The following SESN1 variants were observed in gnomAD, a reference collection of about 807,000 sequenced individuals.
The protein encoded by SESN1 is sestrin 1.
In SESN1, 30 loss-of-function variants were observed where a neutral mutation model predicts 59.3. The observed-to-expected ratio is 0.51, with a 90% CI of 0.38 to 0.69. The LOEUF (loss-of-function observed/expected upper bound fraction) is 0.69, where lower values mean the gene tolerates loss of function less well. Among genes scored for constraint, SESN1 ranks in the 30% least tolerant of loss-of-function variants. The pLI is 0.00. For synonymous variants in SESN1, 197 were observed against 219.9 expected (o/e 0.90, Z 0.92); for missense variants, 566 against 673.0 (o/e 0.84, Z 1.76).
chr6:108,991,699 C>T (rs1471413358), intron 7 of SESN1, among the ~76,000 whole-genome samples: 2 of 152,160 alleles, frequency 1.3e-5, no homozygotes, highest in African/African-American at 4.8e-5. Flanking sequence ...CTTAATAAGC[C>T]CCTACTTCTT....
chr6:109,020,983 C>A (rs1247508920), intron 1 of SESN1, among the ~76,000 whole-genome samples: 1 of 152,116 alleles, frequency 6.6e-6, no homozygotes, highest in Non-Finnish European at 1.5e-5. Flanking sequence ...CTCCTTCACC[C>A]ACCATTTTAG....
At chr6:109,018,259 C>T (rs936924061) in intron 1 of SESN1, among the ~76,000 whole-genome samples, 1 of 152,164 alleles carries the variant, frequency 6.6e-6, no homozygotes, top group Non-Finnish European at 1.5e-5. Context: ...TCAATGGAGA[C>T]TGCCAAAACA....
chr6:109,075,586 A>G (rs1435456974), intron 1 of SESN1, among the ~76,000 whole-genome samples: 1 of 152,218 alleles, frequency 6.6e-6, no homozygotes, highest in Non-Finnish European at 1.5e-5. Context: ...TCAATCCATT[A>G]GCCTGCAAGG....
At chr6:109,070,229 C>T (rs888969239) in intron 1 of SESN1, among the ~76,000 whole-genome samples, 4 of 152,196 alleles carry the variant, frequency 2.6e-5, no homozygotes, top group African/African-American at 9.7e-5. Context: ...TGTGGACCTC[C>T]TCCAGCTGCA....
intron 1 of SESN1, among the ~76,000 whole-genome samples, chr6:109,066,346 T>C (rs1207746012): frequency 6.6e-6 from 1 of 151,982 alleles, no homozygotes; most frequent in African/African-American, 2.4e-5. Flanking sequence ...TATGATTTGT[T>C]GTAATTTTTA....
intron 1 of SESN1, among the ~76,000 whole-genome samples, chr6:109,022,170 CG>C (rs1780022617): frequency 6.6e-6 from 1 of 151,868 alleles, no homozygotes. Flanking sequence ...TTACTCCTAA[CG>C]GGGCACCTGG....
rs748316540 is a variant in SESN1 at position 108,998,758 on chromosome 6, TAGG to T, written c.730-6_730-4del. 6.2e-5 allele frequency: 99 copies of T among 1,596,178 alleles called. No homozygotes were observed. The highest frequency in any genetic ancestry group is 7.9e-5 in the Non-Finnish European group (92 of 1,170,480). ...TGCTCTTCAGCTTTTAAAAGTCCCT[TAGG>T]GGGAAAAAAAAAAAGAATATATTTT... On this transcript the variant is annotated splice_polypyrimidine_tract_variant and splice_region_variant and intron_variant, in intron 4 of 9. Transcript: ENST00000436639.
At chr6:109,087,797 A>G (rs984295163) in intron 1 of SESN1, among the ~76,000 whole-genome samples, 4 of 152,220 alleles carry the variant, frequency 2.6e-5, no homozygotes, top group African/African-American at 9.7e-5. Context: ...AAAATGAATT[A>G]AGTATGCTTC....
At chr6:109,003,904 A>C (rs1324550720) in intron 1 of SESN1, among the ~76,000 whole-genome samples, 1 of 152,200 alleles carries the variant, frequency 6.6e-6, no homozygotes, top group Admixed American at 6.5e-5. Context: ...TATCCCCTCT[A>C]ATTTCTTTAA....
chr6:109,013,140 G>A (rs1258536805), intron 1 of SESN1, among the ~76,000 whole-genome samples: 1 of 151,986 alleles, frequency 6.6e-6, no homozygotes, highest in Admixed American at 6.6e-5. Context: ...GGAGTGTTAA[G>A]CTTCATTAAA....
At chr6:109,009,326 C>T in intron 1 of SESN1, 3 of 1,460,050 alleles carry the variant, frequency 2.1e-6, no homozygotes, top group Non-Finnish European at 2.7e-6. Context: ...CGCCCAGGTA[C>T]CCAGCGGCCC....
At chr6:109,027,944 T>C in intron 1 of SESN1, among the ~76,000 whole-genome samples, 1 of 152,242 alleles carries the variant, frequency 6.6e-6, no homozygotes, top group Non-Finnish European at 1.5e-5. Context: ...TGCTGTGTTC[T>C]TTATATTATT....
chr6:109,060,140 C>A (rs1027835942), intron 1 of SESN1, among the ~76,000 whole-genome samples: 2 of 150,690 alleles, frequency 1.3e-5, no homozygotes, highest in Non-Finnish European at 3.0e-5. Flanking sequence ...CACACACACA[C>A]ATTTATATTA....
At chr6:109,044,031 G>C (rs1176020779) in intron 1 of SESN1, among the ~76,000 whole-genome samples, 1 of 152,022 alleles carries the variant, frequency 6.6e-6, no homozygotes, top group African/African-American at 2.4e-5. Context: ...TAACAAAGAA[G>C]TGGCCAGGTA....
At position 109,093,263 on chromosome 6, in the gene SESN1, T is replaced by C. The variant is rs529250493; in HGVS notation, c.279+532A>G. On this transcript the variant is annotated intron_variant, in intron 1 of 9. Coordinates refer to ENST00000436639, the MANE Select transcript of SESN1 (RefSeq NM_014454.3). Reference sequence around the variant, plus strand: ...ATCAAATACCCCACCTGGGTCCACCTTTTCAACATGAAGATATTAGCTTCT... The same window carrying C: ...ATCAAATACCCCACCTGGGTCCACCCTTTCAACATGAAGATATTAGCTTCT... Among the ~76,000 whole-genome samples the C allele has an allele frequency of 3.2e-4, 48 of 152,182 alleles. 1 individual carries two copies. The highest frequency in any genetic ancestry group is 6.3e-4 in the Non-Finnish European group (43 of 68,024).
At chr6:108,998,398 C>CA in intron 5 of SESN1, 115 bp downstream of exon 5, 1 of 1,228,780 alleles carries the variant, frequency 8.1e-7, no homozygotes, top group Non-Finnish European at 1.1e-6. Flanking sequence ...TATAGGGGCC[C>CA]AATATCTCCA....
At chr6:109,029,268 A>G (rs959350591) in intron 1 of SESN1, among the ~76,000 whole-genome samples, 2 of 152,214 alleles carry the variant, frequency 1.3e-5, no homozygotes, top group African/African-American at 2.4e-5. Flanking sequence ...ATGACTAAGG[A>G]TACTATTAGG....
intron 6 of SESN1, 102 bp downstream of exon 6, chr6:108,994,360 G>C (rs987739460): frequency 3.2e-6 from 3 of 932,038 alleles, no homozygotes; most frequent in Non-Finnish European, 4.7e-6. Context: ...CTCTCTAAAA[G>C]GAAGGACATA....
At chr6:109,065,984 A>G (rs1004089423) in intron 1 of SESN1, among the ~76,000 whole-genome samples, 5 of 152,136 alleles carry the variant, frequency 3.3e-5, no homozygotes, top group African/African-American at 9.7e-5. Context: ...CTTAAATCTT[A>G]AAAGAGGCAA....
Sources: allele counts gnomAD v4.1 joint callset (sites outside exome capture counted in the v4.1 genomes callset), GRCh38; gene constraint gnomAD v4.1.1; transcripts MANE v1.5; gene names NCBI Gene and HGNC (gene_info 2026-07-23, HGNC 2026-07-21).